FANCC: variants seen among roughly 807,000 people sequenced by gnomAD.
The protein encoded by FANCC is Fanconi anemia group C protein.
A neutral mutation model predicts 71.3 loss-of-function variants in FANCC; 55 were observed. The observed-to-expected ratio is 0.77, with a 90% CI of 0.62 to 0.97. The LOEUF is 0.97. FANCC is among the 50% of genes least tolerant of loss of function. FANCC has a pLI of 0.00. For synonymous variants in FANCC, 275 were observed against 244.9 expected (o/e 1.12, Z -1.15); for missense variants, 678 against 670.9 (o/e 1.01, Z -0.12).
intron 4 of FANCC, among the ~76,000 whole-genome samples, chr9:95,230,329 C>G (rs1829925775): frequency 6.6e-6 from 1 of 152,292 alleles, no homozygotes; most frequent in African/African-American, 2.4e-5. Flanking sequence ...GCTCAAGGTT[C>G]CTTTCAGGGG....
Position 95,126,527 on chromosome 9 carries a change from A to G in FANCC, c.896+2T>C. ...TACTAGAAGAAACAGTGTAACGTTT[A>G]CCTGAACATCTCATCAACAACCCGG... On this transcript the variant is annotated splice_donor_variant, in intron 9 of 14. Coordinates refer to ENST00000289081, the MANE Select transcript of FANCC (RefSeq NM_000136.3). LOFTEE classifies it high-confidence loss of function. 6.2e-7 allele frequency: 1 copy of G among 1,613,868 alleles called. No individual in the cohort carries two copies. Among genetic ancestry groups the G allele is most frequent in the Non-Finnish European group, 8.5e-7 (1 of 1,179,744 alleles).
chr9:95,139,855 T>C (rs1337326015), intron 7 of FANCC, among the ~76,000 whole-genome samples: 1 of 145,680 alleles, frequency 6.9e-6, no homozygotes, highest in Non-Finnish European at 1.5e-5. Context: ...TATATATAAA[T>C]ATATATATTC....
intron 4 of FANCC, among the ~76,000 whole-genome samples, chr9:95,225,628 T>G (rs527752028): frequency 6.6e-6 from 1 of 152,212 alleles, no homozygotes; most frequent in South Asian, 2.1e-4. Context: ...ACCATAAACA[T>G]CCTGTTCCTA....
chr9:95,165,893 T>C (rs1831037513), intron 6 of FANCC, among the ~76,000 whole-genome samples: 1 of 152,108 alleles, frequency 6.6e-6, no homozygotes, highest in Admixed American at 6.5e-5. Flanking sequence ...CTATTATTAT[T>C]GTGTTACTGT....
intron 4 of FANCC, among the ~76,000 whole-genome samples, chr9:95,228,310 T>C (rs898231880): frequency 6.6e-6 from 1 of 152,106 alleles, no homozygotes; most frequent in Admixed American, 6.5e-5. Flanking sequence ...CTCACAGTCC[T>C]CCAAAATGCG....
intron 7 of FANCC, among the ~76,000 whole-genome samples, chr9:95,141,033 G>A (rs1828573293): frequency 6.6e-6 from 1 of 152,026 alleles, no homozygotes; most frequent in Non-Finnish European, 1.5e-5. Flanking sequence ...GATGTGGCTG[G>A]GCACAGTGTC....
rs183498502 is a variant in FANCC at position 95,251,878 on chromosome 9, T to G, written c.-78-2509A>C. On this transcript the variant is annotated intron_variant, in intron 1 of 14. Transcript: ENST00000289081. ...CAAGAGATTACATAATTGCCCAAAG[T>G]AAGATTATGTAAAAACTGAAAGGAA... Among the ~76,000 whole-genome samples, 178 of 152,232 alleles carry G rather than the reference T, an allele frequency of 1.2e-3. 1 individual carries two copies. Among genetic ancestry groups the G allele is most frequent in the African/African-American group, 4.1e-3 (170 of 41,548 alleles).
At chr9:95,121,342 G>A (rs2072864097) in intron 10 of FANCC, among the ~76,000 whole-genome samples, 1 of 152,098 alleles carries the variant, frequency 6.6e-6, no homozygotes, top group Admixed American at 6.5e-5. Context: ...AAGAGGAAAG[G>A]GTAAGAAGAG....
intron 14 of FANCC, among the ~76,000 whole-genome samples, chr9:95,105,675 A>C (rs538076731): frequency 2.0e-5 from 3 of 152,250 alleles, no homozygotes; most frequent in East Asian, 3.9e-4. Flanking sequence ...GGGAAACTCT[A>C]GCACTTCCTC....
intron 10 of FANCC, chr9:95,123,545 G>C (rs777201565): frequency 1.9e-6 from 1 of 529,658 alleles, no homozygotes; most frequent in South Asian, 1.4e-5. Flanking sequence ...AAGGAACAAC[G>C]GTCGTACCAA....
At chr9:95,200,787 A>G (rs1827758659) in intron 4 of FANCC, among the ~76,000 whole-genome samples, 2 of 152,226 alleles carry the variant, frequency 1.3e-5, no homozygotes, top group South Asian at 4.1e-4. Context: ...ACTTATGCAT[A>G]TAACAAGCGG....
chr9:95,123,948 C>T lies in FANCC; in HGVS notation c.996+1138G>A, dbSNP rs545324255. 8.3e-5 allele frequency: 31 copies of T among 372,062 alleles called. No individual in the cohort carries two copies. The Admixed American group carries it at 1.1e-3, about 13-fold the overall frequency. The allele number at this position is 372,062 out of a possible 1,614,324, so 23.0% of individuals were successfully genotyped here. ...GGAAATTGTACTTAATTAAAAAATACAAAAAGTAGCCATGAGTGGTGACAT... is the reference window on the plus strand; with the variant it reads ...GGAAATTGTACTTAATTAAAAAATATAAAAAGTAGCCATGAGTGGTGACAT... On this transcript the variant is annotated intron_variant, in intron 10 of 14. Coordinates refer to ENST00000289081, the MANE Select transcript of FANCC (RefSeq NM_000136.3).
intron 1 of FANCC, among the ~76,000 whole-genome samples, chr9:95,263,862 AG>A (rs1832224870): frequency 6.6e-6 from 1 of 152,198 alleles, no homozygotes; most frequent in Non-Finnish European, 1.5e-5. Context: ...ATCAAACTGT[AG>A]GAACAGGTAT....
At chr9:95,164,836 TG>T (rs1391136708) in intron 6 of FANCC, among the ~76,000 whole-genome samples, 1 of 152,168 alleles carries the variant, frequency 6.6e-6, no homozygotes, top group African/African-American at 2.4e-5. Context: ...TTCAATATTT[TG>T]GAAGACTTTA....
At chr9:95,293,918 T>A in intron 1 of FANCC, 1 of 1,594,636 alleles carries the variant, frequency 6.3e-7, no homozygotes, top group Non-Finnish European at 8.6e-7. Flanking sequence ...TCATATAATG[T>A]TGCTACAAGT....
chr9:95,302,814 C>A (rs777391627), intron 1 of FANCC, among the ~76,000 whole-genome samples: 2 of 152,206 alleles, frequency 1.3e-5, no homozygotes, highest in Non-Finnish European at 2.9e-5. Flanking sequence ...AACAGCTCTT[C>A]TAAGGGCCAT....
intron 6 of FANCC, among the ~76,000 whole-genome samples, chr9:95,151,180 C>T (rs1427216813): frequency 2.0e-5 from 3 of 152,142 alleles, no homozygotes; most frequent in African/African-American, 7.2e-5. Context: ...ACACAGTATT[C>T]CCTTATAGTA....
intron 4 of FANCC, among the ~76,000 whole-genome samples, chr9:95,176,269 T>A (rs1184687278): frequency 6.6e-6 from 1 of 152,206 alleles, no homozygotes; most frequent in African/African-American, 2.4e-5. Flanking sequence ...TGGGATAGTT[T>A]TTAACAATGC....
At chr9:95,165,366 CT>C (rs926881479) in intron 6 of FANCC, among the ~76,000 whole-genome samples, 3 of 150,548 alleles carry the variant, frequency 2.0e-5, no homozygotes, top group Admixed American at 6.6e-5. Flanking sequence ...TTCTTATTTT[CT>C]TTTTTTTTCT....
Sources: gnomAD v4.1 joint callset for allele counts (sites outside exome capture counted in the v4.1 genomes callset) on GRCh38, gnomAD v4.1.1 for gene constraint, MANE v1.5 for transcripts, NCBI Gene and HGNC (gene_info 2026-07-23, HGNC 2026-07-21) for gene names.